ASAP2: variants seen among roughly 807,000 people sequenced by gnomAD.
ASAP2 encodes the protein ArfGAP with SH3 domain, ankyrin repeat and PH domain 2.
A neutral mutation model predicts 131.4 loss-of-function variants in ASAP2; 45 were observed. The ratio of observed to expected loss-of-function variants is 0.34; its 90% CI spans 0.27 to 0.44. The LOEUF (loss-of-function observed/expected upper bound fraction) is 0.44. ASAP2 is among the 20% of genes least tolerant of loss of function. ASAP2 has a pLI of 1.00. For synonymous variants in ASAP2, 510 were observed against 503.0 expected, an observed-to-expected ratio of 1.01 and a Z score of -0.19; for missense variants, 1,011 against 1,297.0, an observed-to-expected ratio of 0.78 and a Z score of 3.39.
At chr2:9,360,629 G>A (rs539138756) in intron 15 of ASAP2, among the ~76,000 whole-genome samples, 5 of 152,240 alleles carry the variant, frequency 3.3e-5, no homozygotes, top group Non-Finnish European at 5.9e-5. Flanking sequence ...CCAATTTCAA[G>A]CTACCTAAGT....
chr2:9,320,458 G>A, intron 5 of ASAP2, 121 bp downstream of exon 5: 1 of 715,364 alleles, frequency 1.4e-6, no homozygotes, highest in Non-Finnish European at 2.3e-6. Flanking sequence ...ATGTTTATCA[G>A]CCATGTTGCT....
chr2:9,383,270 T>G (rs1228430785), intron 20 of ASAP2, among the ~76,000 whole-genome samples: 2 of 151,876 alleles, frequency 1.3e-5, no homozygotes, highest in African/African-American at 4.8e-5. Context: ...AGTAAACAAT[T>G]TTTTTAAAAA....
In ASAP2 at chr2:9,350,789, GT is replaced by G; in HGVS notation, c.1024-13del. 6.2e-7 allele frequency: 1 copy of G among 1,605,746 alleles called. No individual in the cohort carries two copies. Among genetic ancestry groups the G allele is most frequent in the South Asian group, 1.1e-5 (1 of 89,946 alleles). The stretch of plus-strand genomic sequence containing the variant: ...CCACCCAACCCCAACCTTTTTTGTT[GT>G]TTTTTGCTTTTAAACAGGCTAACCG... On this transcript the variant is annotated intron_variant, in intron 11 of 27. Transcript: ENST00000281419.
intron 3 of ASAP2, among the ~76,000 whole-genome samples, chr2:9,317,117 A>ATCACTCACATCCATTCACACAC (rs139485860): frequency 9.9e-6 from 1 of 101,156 alleles, no homozygotes. Context: ...ACCCCACGCA[A>ATCACTCACATCCATTCACACAC]TCACAACCAC....
chr2:9,365,112 A>G (rs1241140956), intron 15 of ASAP2, among the ~76,000 whole-genome samples: 1 of 152,230 alleles, frequency 6.6e-6, no homozygotes, highest in Non-Finnish European at 1.5e-5. Flanking sequence ...TACTTTGTAA[A>G]CTACATCAAA....
intron 3 of ASAP2, among the ~76,000 whole-genome samples, chr2:9,300,729 G>C (rs1668425499): frequency 6.6e-6 from 1 of 152,198 alleles, no homozygotes; most frequent in South Asian, 2.1e-4. Flanking sequence ...GCTAGTGAGG[G>C]ACAGAGTTGG....
intron 5 of ASAP2, among the ~76,000 whole-genome samples, 163 bp from the exon 6 acceptor site, chr2:9,322,958 G>A (rs544642345): frequency 1.2e-4 from 18 of 152,152 alleles, no homozygotes; most frequent in African/African-American, 3.6e-4. Flanking sequence ...TGACATCTTC[G>A]TGAGGACACC....
intron 21 of ASAP2, among the ~76,000 whole-genome samples, chr2:9,388,043 G>A (rs6431999): frequency 0.16 from 24,991 of 152,128 alleles, 5,979 homozygotes; most frequent in African/African-American, 0.53. Context: ...ACAATTCGAG[G>A]TGAGATTTGG....
At chr2:9,341,687 C>T (rs1263017389) in intron 9 of ASAP2, among the ~76,000 whole-genome samples, 3 of 152,166 alleles carry the variant, frequency 2.0e-5, no homozygotes, top group Non-Finnish European at 2.9e-5. Context: ...TTCACAGAGA[C>T]GCTGTACAGG....
intron 3 of ASAP2, among the ~76,000 whole-genome samples, chr2:9,310,383 C>G (rs11677929): frequency 0.28 from 42,106 of 152,084 alleles, 6,389 homozygotes; most frequent in Non-Finnish European, 0.36. Flanking sequence ...TGATTATCCT[C>G]GAAGAGAGTT....
At chr2:9,246,328 T>C (rs1365751659) in intron 1 of ASAP2, among the ~76,000 whole-genome samples, 1 of 152,212 alleles carries the variant, frequency 6.6e-6, no homozygotes, top group Admixed American at 6.5e-5. Flanking sequence ...AGGGTCTTGC[T>C]CTGTTACCTA....
At chr2:9,329,681 G>A (rs945575318) in intron 7 of ASAP2, among the ~76,000 whole-genome samples, 2 of 152,226 alleles carry the variant, frequency 1.3e-5, no homozygotes, top group African/African-American at 2.4e-5. Context: ...ACCTGGCTTC[G>A]TGACAGCGGG....
At chr2:9,312,654 C>A (rs892214356) in intron 3 of ASAP2, among the ~76,000 whole-genome samples, 2 of 152,138 alleles carry the variant, frequency 1.3e-5, no homozygotes, top group African/African-American at 4.8e-5. Flanking sequence ...GTGTCTCATT[C>A]CTGGCTCTCA....
At chr2:9,346,756 C>T (rs1186309214) in intron 11 of ASAP2, among the ~76,000 whole-genome samples, 1 of 152,242 alleles carries the variant, frequency 6.6e-6, no homozygotes, top group African/African-American at 2.4e-5. Flanking sequence ...GAGAGTTCCC[C>T]TAGATCCAGG....
At chr2:9,223,067 C>T (rs1662539499) in intron 1 of ASAP2, among the ~76,000 whole-genome samples, 1 of 152,202 alleles carries the variant, frequency 6.6e-6, no homozygotes, top group African/African-American at 2.4e-5. Context: ...AGAGGCCTTC[C>T]TGCATCTCTC....
chr2:9,401,010 C>T (rs1353859256), intron 26 of ASAP2, among the ~76,000 whole-genome samples, 180 bp downstream of exon 26: 2 of 152,124 alleles, frequency 1.3e-5, no homozygotes, highest in Non-Finnish European at 2.9e-5. Context: ...CCTGCCGCAG[C>T]TCCACAATGG....
intron 15 of ASAP2, among the ~76,000 whole-genome samples, chr2:9,359,751 G>A (rs930759619): frequency 6.6e-6 from 1 of 152,174 alleles, no homozygotes; most frequent in African/African-American, 2.4e-5. Context: ...TGATGACTTC[G>A]AATCCAGTGT....
At chr2:9,396,329 C>T (rs1676143515) in intron 24 of ASAP2, among the ~76,000 whole-genome samples, 1 of 152,026 alleles carries the variant, frequency 6.6e-6, no homozygotes, top group African/African-American at 2.4e-5. Context: ...GGCTGGAGTA[C>T]AGTGGTGTGA....
At chr2:9,330,100 T>C (rs1670732706) in intron 7 of ASAP2, among the ~76,000 whole-genome samples, 2 of 152,226 alleles carry the variant, frequency 1.3e-5, no homozygotes, top group Admixed American at 1.3e-4. Context: ...CACTGTGGAA[T>C]TGAACTGAGC....
Sources: allele counts gnomAD v4.1 joint callset (sites outside exome capture counted in the v4.1 genomes callset), GRCh38; gene constraint gnomAD v4.1.1; transcripts MANE v1.5; gene names NCBI Gene and HGNC (gene_info 2026-07-23, HGNC 2026-07-21).